The following RHAG variants were observed in gnomAD, a reference collection of about 807,000 sequenced individuals.
RHAG encodes ammonium transporter Rh type A.
RHAG carries 25 observed loss-of-function variants against 42.4 expected under a neutral mutation model. That is an observed-to-expected ratio of 0.59 (90% confidence interval 0.43 to 0.82). The LOEUF (loss-of-function observed/expected upper bound fraction) is 0.82. Ranked by LOEUF, RHAG falls within the 40% of genes least tolerant of loss-of-function variation. The probability of loss-of-function intolerance (pLI) is 0.00; values close to 1 mark genes in which losing one functional copy is unlikely to be tolerated. For missense variants in RHAG, 483 were observed against 504.6 expected, an observed-to-expected ratio of 0.96 and a Z score of 0.41; for synonymous variants, 182 against 177.7, an observed-to-expected ratio of 1.02 and a Z score of -0.19.
chr6:49,610,029 T>C (rs910696367), intron 7 of RHAG, among the ~76,000 whole-genome samples: 6 of 149,386 alleles, frequency 4.0e-5, no homozygotes, highest in African/African-American at 1.5e-4. Context: ...TGAGAACACA[T>C]GGACACAGGG....
At chr6:49,611,209 C>G in intron 6 of RHAG, 64 bp from the exon 7 acceptor site, 2 of 1,349,616 alleles carry the variant, frequency 1.5e-6, no homozygotes, top group Non-Finnish European at 2.1e-6. Flanking sequence ...AGAACTGAAA[C>G]AGAGCTATAG....
rs974924066 is a variant in RHAG, at chr6:49,628,771, T to C, written c.157+7885A>G. 5.3e-5 allele frequency among the ~76,000 whole-genome samples: 8 copies of C among 151,590 alleles called. No homozygotes were observed. The East Asian group carries it at 1.6e-3, about 30-fold the overall frequency. ...GTCTCGAGTTGTTCGTTCCTCCCGG[T>C]GGGCTCGTGGTCTCGCTGGCTTCAG... On this transcript the variant is annotated intron_variant, in intron 1 of 9. Transcript: ENST00000371175.
intron 1 of RHAG, among the ~76,000 whole-genome samples, chr6:49,622,619 G>T (rs12193622): frequency 6.1e-4 from 93 of 152,214 alleles, no homozygotes; most frequent in Admixed American, 1.2e-3. Flanking sequence ...CACCATGACT[G>T]TGAGGCCTCC....
intron 1 of RHAG, among the ~76,000 whole-genome samples, chr6:49,620,660 T>G (rs769449289): frequency 9.9e-5 from 15 of 152,076 alleles, no homozygotes; most frequent in African/African-American, 3.4e-4. Flanking sequence ...GCCTCCCAAG[T>G]AGCTGGGATT....
chr6:49,629,459 C>T (rs1308371812), intron 1 of RHAG, among the ~76,000 whole-genome samples: 1 of 152,242 alleles, frequency 6.6e-6, no homozygotes, highest in Non-Finnish European at 1.5e-5. Flanking sequence ...AAGGCCCCAC[C>T]AGACTCAGGA....
At chr6:49,614,913 C>T (rs1024334450) in intron 4 of RHAG, 60 bp from the exon 5 acceptor site, 1 of 1,453,844 alleles carries the variant, frequency 6.9e-7, no homozygotes. Context: ...CCAGAGGATG[C>T]AGTTTGCTTT....
intron 4 of RHAG, 118 bp downstream of exon 4, chr6:49,615,506 G>A (rs1385973103): frequency 1.8e-5 from 21 of 1,192,112 alleles, no homozygotes; most frequent in South Asian, 6.1e-5. Context: ...GGATACAGTC[G>A]TTCACTACCA....
chr6:49,606,510 A>G (rs1459147409), intron 9 of RHAG, among the ~76,000 whole-genome samples: 1 of 152,040 alleles, frequency 6.6e-6, no homozygotes, highest in Non-Finnish European at 1.5e-5. Flanking sequence ...GGCTGGGCAC[A>G]TCATCTCAAT....
At chr6:49,615,448 C>G (rs1273523031) in intron 4 of RHAG, 176 bp downstream of exon 4, 12 of 661,726 alleles carry the variant, frequency 1.8e-5, no homozygotes, top group Admixed American at 1.3e-4. Context: ...AGGCTGGACT[C>G]AAACTCCTGG....
Position 49,610,182 on chromosome 6 carries a change from C to A in RHAG, c.1067+842G>T, listed in dbSNP as rs141166363. ...AGCAAACCACCAAGATACATGTATA[C>A]CTATGTAATAAACCTGCACATTCTG... On this transcript the variant is annotated intron_variant, in intron 7 of 9. Coordinates refer to ENST00000371175, the MANE Select transcript of RHAG (RefSeq NM_000324.3). 2.2e-3 allele frequency among the ~76,000 whole-genome samples: 332 copies of A among 152,182 alleles called. 2 individuals are homozygous for A. Among genetic ancestry groups the A allele is most frequent in the African/African-American group, 7.5e-3 (312 of 41,502 alleles).
intron 1 of RHAG, among the ~76,000 whole-genome samples, chr6:49,624,482 G>A (rs1356901840): frequency 6.6e-6 from 1 of 152,214 alleles, no homozygotes; most frequent in Non-Finnish European, 1.5e-5. Context: ...TGGGATTACA[G>A]GCATGAGCCA....
In RHAG at chr6:49,636,528, A is replaced by G; in HGVS notation, c.157+128T>C. On this transcript the variant is annotated intron_variant, in intron 1 of 9. Transcript: ENST00000371175. ...AGATGTCACATCACAAACATGTAAT[A>G]TCCTTAGCACTCATAACCATCATAT... The G allele has an allele frequency of 3.0e-6, 3 of 996,870 alleles. No homozygotes were observed. In the South Asian group the frequency reaches 4.0e-5, roughly 13 times the overall value. The allele number at this position is 996,870 out of a possible 1,614,324, so 61.8% of individuals were successfully genotyped here.
chr6:49,627,512 A>G (rs1354959413), intron 1 of RHAG, among the ~76,000 whole-genome samples: 2 of 151,958 alleles, frequency 1.3e-5, no homozygotes, highest in African/African-American at 4.8e-5. Flanking sequence ...AACTGTTTCA[A>G]CCTCTGCTTG....
intron 1 of RHAG, among the ~76,000 whole-genome samples, chr6:49,626,097 T>C (rs1385888069): frequency 1.3e-5 from 2 of 152,066 alleles, no homozygotes; most frequent in Non-Finnish European, 2.9e-5. Context: ...AGACAAACCA[T>C]CTCATTTCGC....
At chr6:49,628,161 CAGAGAG>C (rs60784215) in intron 1 of RHAG, among the ~76,000 whole-genome samples, 6 of 140,068 alleles carry the variant, frequency 4.3e-5, no homozygotes, top group African/African-American at 1.6e-4. Context: ...CACACACACA[CAGAGAG>C]AGAGAGAGAG....
At chr6:49,627,059 G>A (rs1021600625) in intron 1 of RHAG, among the ~76,000 whole-genome samples, 3 of 152,216 alleles carry the variant, frequency 2.0e-5, no homozygotes, top group African/African-American at 7.2e-5. Flanking sequence ...GTAATGGGAG[G>A]GATGGCCATG....
At chr6:49,636,618 C>G in intron 1 of RHAG, 38 bp downstream of exon 1, 1 of 1,609,118 alleles carries the variant, frequency 6.2e-7, no homozygotes, top group Non-Finnish European at 8.5e-7. Flanking sequence ...AACCGAAGAA[C>G]CGAAAAATGT....
chr6:49,611,380 G>A (rs1762566472), intron 6 of RHAG, among the ~76,000 whole-genome samples: 1 of 151,722 alleles, frequency 6.6e-6, no homozygotes, highest in South Asian at 2.1e-4. Context: ...TTTTATTGTT[G>A]TTTTTTTGTG....
chr6:49,612,280 G>T (rs974948818), intron 6 of RHAG, 117 bp downstream of exon 6: 1 of 1,138,172 alleles, frequency 8.8e-7, no homozygotes, highest in East Asian at 2.4e-5. Flanking sequence ...GAAGGCAAAT[G>T]GTCTCCAAAT....
Sources: gnomAD v4.1 joint callset for allele counts (sites outside exome capture counted in the v4.1 genomes callset) on GRCh38, gnomAD v4.1.1 for gene constraint, MANE v1.5 for transcripts, NCBI Gene and HGNC (gene_info 2026-07-23, HGNC 2026-07-21) for gene names.